The following PCBP3 variants were observed in gnomAD, a reference collection of about 807,000 sequenced individuals.
The protein encoded by PCBP3 is poly(rC)-binding protein 3.
In PCBP3, 25 loss-of-function variants were observed where a neutral mutation model predicts 52.7. The ratio of observed to expected loss-of-function variants is 0.47; its 90% CI spans 0.35 to 0.66. The LOEUF (loss-of-function observed/expected upper bound fraction) is 0.66, where lower values mean the gene tolerates loss of function less well. Among genes scored for constraint, PCBP3 ranks in the 30% least tolerant of loss-of-function variants. The probability of loss-of-function intolerance (pLI) is 0.01; values close to 1 mark genes in which losing one functional copy is unlikely to be tolerated. For missense variants in PCBP3, 391 were observed against 490.3 expected (o/e 0.80, Z 1.91); for synonymous variants, 162 against 183.0 (o/e 0.89, Z 0.93).
intron 4 of PCBP3, among the ~76,000 whole-genome samples, chr21:45,813,898 G>C (rs1376988138): frequency 6.6e-6 from 1 of 152,148 alleles, no homozygotes; most frequent in Non-Finnish European, 1.5e-5. Context: ...AGTATTTTTT[G>C]TTTGTATGAT....
intron 4 of PCBP3, among the ~76,000 whole-genome samples, chr21:45,774,055 G>C (rs1429957489): frequency 6.6e-6 from 1 of 152,136 alleles, no homozygotes; most frequent in African/African-American, 2.4e-5. Context: ...AAATGCTGCT[G>C]ATTTTGTATG....
intron 2 of PCBP3, among the ~76,000 whole-genome samples, chr21:45,723,102 A>G (rs555767505): frequency 3.7e-4 from 57 of 152,282 alleles, no homozygotes; most frequent in African/African-American, 1.4e-3. Flanking sequence ...CTATCTGGGA[A>G]GTGCAGGTGC....
intron 4 of PCBP3, among the ~76,000 whole-genome samples, chr21:45,843,945 T>C (rs2093751442): frequency 6.6e-6 from 1 of 152,122 alleles, no homozygotes; most frequent in South Asian, 2.1e-4. Flanking sequence ...GGTATACTTG[T>C]GTGAACTGTA....
chr21:45,831,250 A>C (rs543074751), intron 4 of PCBP3: 4 of 152,326 alleles, frequency 2.6e-5, no homozygotes, highest in African/African-American at 9.6e-5. Flanking sequence ...CTCTACAAAA[A>C]AATATAAAAA....
rs1035382124 is a variant in PCBP3, at chr21:45,788,317, C to G, written c.-126+32865C>G. On this transcript the variant is annotated intron_variant, in intron 4 of 17. Transcript: ENST00000681687. The surrounding 1 kb of genome is among the most constrained non-coding windows in gnomAD (Gnocchi z 4.3). The stretch of plus-strand genomic sequence containing the variant: ...TGGTAGATGGACAGTGTGTCACCCT[C>G]GGGGAGCAGGTGGGCTGGCAGGACA... The G allele has an allele frequency of 6.6e-6, 1 of 152,440 alleles. No homozygotes were observed. The highest frequency in any genetic ancestry group is 1.5e-5 in the Non-Finnish European group (1 of 68,228). 9.4% of individuals were successfully genotyped at this position (152,440 alleles called of 1,614,324 possible).
chr21:45,896,241 ACAGCACCCT>A lies in PCBP3; in HGVS notation c.52_60del (p.Thr20_Ser22del), dbSNP rs1382780138. ...TTCTGGGCCCCATCTGTCCTTCCTC[ACAGCACCCT>A]CAGCACCTTAAGCCACCACCCTCAG... On this transcript the variant is annotated inframe_deletion, in exon 6 of 18. Coordinates refer to ENST00000681687, the MANE Select transcript of PCBP3 (RefSeq NM_001384156.1). The A allele has an allele frequency of 6.4e-7, 1 of 1,552,082 alleles. No homozygotes were observed. Among genetic ancestry groups the A allele is most frequent in the Non-Finnish European group, 8.7e-7 (1 of 1,147,082 alleles).
chr21:45,881,268 A>G (rs1030683867), intron 5 of PCBP3, among the ~76,000 whole-genome samples: 10 of 152,242 alleles, frequency 6.6e-5, no homozygotes, highest in Non-Finnish European at 1.3e-4. Flanking sequence ...AAGAATGGTT[A>G]TAGCATGTAA....
chr21:45,706,535 C>G (rs1336655874), intron 2 of PCBP3, among the ~76,000 whole-genome samples: 2 of 152,154 alleles, frequency 1.3e-5, no homozygotes, highest in Non-Finnish European at 2.9e-5. Flanking sequence ...CTATTTCTCT[C>G]TCTCCCTCTG....
At chr21:45,779,974 T>G (rs1187487258) in intron 4 of PCBP3, among the ~76,000 whole-genome samples, 1 of 152,172 alleles carries the variant, frequency 6.6e-6, no homozygotes, top group Non-Finnish European at 1.5e-5. Context: ...TGCACAAACG[T>G]GGCCAATTAA....
At chr21:45,915,258 C>T (rs1292369730) in intron 12 of PCBP3, 1 of 152,184 alleles carries the variant, frequency 6.6e-6, no homozygotes, top group East Asian at 1.9e-4. Flanking sequence ...GTGTCACAGC[C>T]CTGTGGGCAG....
chr21:45,747,040 T>C (rs1157296921), intron 3 of PCBP3, among the ~76,000 whole-genome samples: 4 of 152,184 alleles, frequency 2.6e-5, no homozygotes, highest in Non-Finnish European at 5.9e-5. Context: ...CATACTGTTA[T>C]GAAGAGATAC....
intron 5 of PCBP3, among the ~76,000 whole-genome samples, chr21:45,855,852 A>G (rs1361940624): frequency 6.6e-6 from 1 of 152,242 alleles, no homozygotes; most frequent in Non-Finnish European, 1.5e-5. Flanking sequence ...TGGAGAGAGG[A>G]CTAAACTCTG....
chr21:45,898,386 A>AGCCTCCCTCTGCACACCGTACTCACG (rs2095894882), intron 6 of PCBP3, among the ~76,000 whole-genome samples: 2 of 63,372 alleles, frequency 3.2e-5, no homozygotes, highest in East Asian at 1.4e-3. Flanking sequence ...CCGTCCTCAC[A>AGCCTCCCTCTGCACACCGTACTCACG]GCCTCCCTCT....
At chr21:45,831,370 C>G (rs978468875) in intron 4 of PCBP3, 3 of 145,644 alleles carry the variant, frequency 2.1e-5, no homozygotes, top group African/African-American at 7.7e-5. Flanking sequence ...GATCACGCCA[C>G]TGCTGTCCAG....
At chr21:45,820,212 T>C (rs564288144) in intron 4 of PCBP3, among the ~76,000 whole-genome samples, 53 of 152,214 alleles carry the variant, frequency 3.5e-4, no homozygotes, top group Non-Finnish European at 7.3e-4. Flanking sequence ...GTGTTTTTGG[T>C]GTGTCCATGT....
In PCBP3 at chr21:45,928,883, T is replaced by C. The variant is rs1319654038; in HGVS notation, c.718-1034T>C. On this transcript the variant is annotated intron_variant, in intron 13 of 17. Coordinates refer to ENST00000681687, the MANE Select transcript of PCBP3 (RefSeq NM_001384156.1). This position sits in a 1 kb window ranked among gnomAD's most constrained non-coding sequence, Gnocchi z 4.1. Reference sequence around the variant, plus strand: ...CAAATGTGCCACCTCCCCTGCCTGCTGGGCAGCACCACAGAGGAGCTTTGC... The same window carrying C: ...CAAATGTGCCACCTCCCCTGCCTGCCGGGCAGCACCACAGAGGAGCTTTGC... Among the ~76,000 whole-genome samples the C allele has an allele frequency of 6.6e-6, 1 of 152,132 alleles. No homozygotes were observed. The highest frequency in any genetic ancestry group is 1.5e-5 in the Non-Finnish European group (1 of 67,994).
chr21:45,908,066 T>C (rs957347), intron 9 of PCBP3, among the ~76,000 whole-genome samples: 9,422 of 152,222 alleles, frequency 0.062, 709 homozygotes, highest in African/African-American at 0.17. Context: ...AAAATCTTAT[T>C]ATCTTTCTTT....
At chr21:45,723,385 CCAGA>C (rs962881051) in intron 2 of PCBP3, among the ~76,000 whole-genome samples, 1 of 152,196 alleles carries the variant, frequency 6.6e-6, no homozygotes, top group African/African-American at 2.4e-5. Context: ...TGGTGAGAGG[CCAGA>C]CAGACTTCCT....
intron 1 of PCBP3, among the ~76,000 whole-genome samples, chr21:45,648,036 G>T (rs1210616273): frequency 6.6e-6 from 1 of 152,184 alleles, no homozygotes; most frequent in Admixed American, 6.5e-5. Context: ...AGATGGAAGG[G>T]TGCACTAGTC....
Sources: allele counts gnomAD v4.1 joint callset (sites outside exome capture counted in the v4.1 genomes callset), GRCh38; gene constraint gnomAD v4.1.1; non-coding constraint Gnocchi (gnomAD v3.1); transcripts MANE v1.5; gene names NCBI Gene and HGNC (gene_info 2026-07-23, HGNC 2026-07-21).